KANK4: variants seen among roughly 807,000 people sequenced by gnomAD.
KANK4 encodes the protein KN motif and ankyrin repeat domain-containing protein 4.
Under a neutral mutation model 80.8 loss-of-function variants are expected in KANK4, and 50 were observed. The observed-to-expected ratio is 0.62, with a 90% CI of 0.49 to 0.78. The LOEUF (loss-of-function observed/expected upper bound fraction) is 0.78, where lower values mean the gene tolerates loss of function less well. KANK4 is among the 30% of genes least tolerant of loss of function. The probability of loss-of-function intolerance (pLI) is 0.00; values close to 1 mark genes in which losing one functional copy is unlikely to be tolerated. For synonymous variants in KANK4, 465 were observed against 506.9 expected, an observed-to-expected ratio of 0.92 and a Z score of 1.11; for missense variants, 1,196 against 1,240.1, an observed-to-expected ratio of 0.96 and a Z score of 0.53.
Position 62,263,116 on chromosome 1 carries a change from T to C in KANK4, c.2515A>G (p.Ile839Val). Residue 839 changes from isoleucine to valine, a missense_variant, in exon 7 of 10, where the codon ATC becomes GTC. Coordinates refer to ENST00000371153, the MANE Select transcript of KANK4 (RefSeq NM_181712.5). ...HYSVSHSNFS[I>V]VKLLLETGVC... The stretch of plus-strand genomic sequence containing the variant: ...CCTGTCTCCAGCAGCAGCTTCACGA[T>C]GGAGAAGTTGGAGTGGGACACGCTG... The C allele has an allele frequency of 1.2e-6, 2 of 1,612,972 alleles. No homozygotes were observed. The highest frequency in any genetic ancestry group is 8.5e-7 in the Non-Finnish European group (1 of 1,179,294).
intron 1 of KANK4, among the ~76,000 whole-genome samples, chr1:62,292,196 G>A (rs1672693452): frequency 6.6e-6 from 1 of 152,048 alleles, no homozygotes. Flanking sequence ...TGTTTTCAAG[G>A]TTCACAAGAG....
chr1:62,285,737 T>A (rs1672549049), intron 1 of KANK4, among the ~76,000 whole-genome samples: 1 of 151,538 alleles, frequency 6.6e-6, no homozygotes, highest in East Asian at 1.9e-4. Flanking sequence ...ACAACAACCC[T>A]GCCAATCCCT....
chr1:62,266,596 A>G (rs1672026914), intron 6 of KANK4, 136 bp downstream of exon 6: 1 of 657,462 alleles, frequency 1.5e-6, no homozygotes, highest in South Asian at 1.8e-5. Context: ...CTCACACTGT[A>G]AACTGCACAC....
intron 1 of KANK4, among the ~76,000 whole-genome samples, chr1:62,315,161 A>G (rs1324225041): frequency 6.6e-6 from 1 of 152,194 alleles, no homozygotes; most frequent in Non-Finnish European, 1.5e-5. Flanking sequence ...CCTGAGGCAC[A>G]GAGAGGTTAT....
intron 7 of KANK4, among the ~76,000 whole-genome samples, chr1:62,259,065 C>T (rs1671818146): frequency 6.6e-6 from 1 of 152,048 alleles, no homozygotes; most frequent in South Asian, 2.1e-4. Context: ...GTCCTGAAGG[C>T]CAGGCTGAAG....
chr1:62,302,474 AG>A (rs1333411852), intron 1 of KANK4, among the ~76,000 whole-genome samples: 1 of 152,060 alleles, frequency 6.6e-6, no homozygotes, highest in Non-Finnish European at 1.5e-5. Flanking sequence ...GACTAGGCAA[AG>A]AGAGGGTGCT....
chr1:62,247,535 G>T lies in KANK4; in HGVS notation c.2820C>A (p.Gly940=). ...SSALMVACHH[G]NVDLVRLLLA... is the part of the protein sequence containing the mutation. ...GGAGCAGCCGCACCAGGTCCACGTT[G>T]CCATGGTGACAGGCCACCATGAGGG... The change falls in exon 9 of 10, where the codon GGC becomes GGA. Residue 940 remains glycine, a synonymous_variant. Coordinates refer to ENST00000371153, the MANE Select transcript of KANK4 (RefSeq NM_181712.5). The T allele has an allele frequency of 1.2e-6, 2 of 1,614,064 alleles. No individual in the cohort carries two copies. Among genetic ancestry groups the T allele is most frequent in the South Asian group, 1.1e-5 (1 of 91,080 alleles).
In KANK4 at chr1:62,273,833, G is replaced by A. The variant is rs1169048541; in HGVS notation, c.1271C>T (p.Thr424Ile). ...VNTDPVHGLLTRESCDKGIEV... is the reference protein window; with the variant it reads ...VNTDPVHGLLIRESCDKGIEV... ...AATGCCCTTATCACACGACTCCCTG[G>A]TCAAGAGTCCATGGACAGGGTCAGT... The change falls in exon 3 of 10, where the codon ACC becomes ATC. Residue 424 changes from threonine (T) to isoleucine (I), a missense_variant. Physicochemically the swap from Thr to Ile is moderately conservative, Grantham distance 89 (BLOSUM62 -1). Transcript: ENST00000371153. The A allele has an allele frequency of 1.2e-6, 2 of 1,614,036 alleles. No individual in the cohort carries two copies. Among genetic ancestry groups the A allele is most frequent in the African/African-American group, 1.3e-5 (1 of 74,912 alleles).
At chr1:62,288,652 T>C (rs536581378) in intron 1 of KANK4, among the ~76,000 whole-genome samples, 30 of 151,744 alleles carry the variant, frequency 2.0e-4, no homozygotes, top group Admixed American at 1.4e-3. Context: ...ACAAAGCAGA[T>C]GTAATTTTCT....
At chr1:62,267,617 T>C (rs1307666573) in intron 5 of KANK4, among the ~76,000 whole-genome samples, 1 of 151,932 alleles carries the variant, frequency 6.6e-6, no homozygotes, top group Non-Finnish European at 1.5e-5. Context: ...CTGGCCAACA[T>C]AGTGAAACCT....
intron 1 of KANK4, among the ~76,000 whole-genome samples, chr1:62,284,481 G>T (rs1672519328): frequency 6.6e-6 from 1 of 152,088 alleles, no homozygotes; most frequent in Middle Eastern, 3.2e-3. Flanking sequence ...ACCATGCCCA[G>T]CTAATTTTTG....
intron 4 of KANK4, among the ~76,000 whole-genome samples, chr1:62,269,524 T>C (rs1672109200): frequency 6.6e-6 from 1 of 152,220 alleles, no homozygotes; most frequent in Admixed American, 6.5e-5. Context: ...CAGCCTTTCA[T>C]GTTTGTGATT....
intron 9 of KANK4, among the ~76,000 whole-genome samples, chr1:62,246,914 C>T (rs1214556150): frequency 6.6e-6 from 1 of 152,112 alleles, no homozygotes; most frequent in African/African-American, 2.4e-5. Context: ...GCTCCCACCA[C>T]CAGGTCCAGC....
At chr1:62,318,633 C>T (rs539635164) in intron 1 of KANK4, among the ~76,000 whole-genome samples, 4 of 152,350 alleles carry the variant, frequency 2.6e-5, no homozygotes, top group African/African-American at 9.6e-5. Flanking sequence ...AGACTAAGAG[C>T]TCGATTCCAG....
chr1:62,260,318 C>G (rs1205504969), intron 7 of KANK4, among the ~76,000 whole-genome samples: 3 of 152,008 alleles, frequency 2.0e-5, no homozygotes, highest in African/African-American at 4.8e-5. Flanking sequence ...CAGTCTCTAT[C>G]TCTTCCTTTT....
intron 9 of KANK4, among the ~76,000 whole-genome samples, chr1:62,246,942 G>C (rs1001632585): frequency 6.6e-6 from 1 of 152,006 alleles, no homozygotes; most frequent in Admixed American, 6.6e-5. Flanking sequence ...TGTATTTTTA[G>C]TAGAGATGGG....
intron 1 of KANK4, among the ~76,000 whole-genome samples, chr1:62,285,128 T>C (rs1672536235): frequency 1.3e-5 from 2 of 152,228 alleles, no homozygotes; most frequent in African/African-American, 4.8e-5. Context: ...AAAGAGTCCA[T>C]GTGGCTAATC....
At chr1:62,283,197 T>TG (rs1672489139) in intron 1 of KANK4, among the ~76,000 whole-genome samples, 1 of 152,176 alleles carries the variant, frequency 6.6e-6, no homozygotes, top group South Asian at 2.1e-4. Flanking sequence ...ACCCTAAGCT[T>TG]GACCCTTCAT....
intron 9 of KANK4, among the ~76,000 whole-genome samples, chr1:62,240,479 G>T (rs909971847): frequency 2.0e-5 from 3 of 152,142 alleles, no homozygotes; most frequent in African/African-American, 4.8e-5. Flanking sequence ...AGACCAGCCT[G>T]CCCAACATGG....
Sources: gnomAD v4.1 joint callset for allele counts (sites outside exome capture counted in the v4.1 genomes callset) on GRCh38, gnomAD v4.1.1 for gene constraint, MANE v1.5 for transcripts, NCBI Gene and HGNC (gene_info 2026-07-23, HGNC 2026-07-21) for gene names.